PKHD1L1: variants seen among roughly 807,000 people sequenced by gnomAD.
PKHD1L1 encodes PKHD1 like 1.
PKHD1L1 carries 434 observed loss-of-function variants against 462.9 expected under a neutral mutation model. The ratio of observed to expected loss-of-function variants is 0.94; its 90% CI spans 0.87 to 1.02. The LOEUF is 1.02. PKHD1L1 is among the 50% of genes least tolerant of loss of function. The probability of loss-of-function intolerance (pLI) is 0.00; values close to 1 mark genes in which losing one functional copy is unlikely to be tolerated. For missense variants in PKHD1L1, 5,202 were observed against 5,096.1 expected (o/e 1.02, Z -0.63); for synonymous variants, 1,781 against 1,750.0 (o/e 1.02, Z -0.44).
chr8:109,404,938 G>A, intron 15 of PKHD1L1, 57 bp from the exon 16 acceptor site: 2 of 1,232,580 alleles, frequency 1.6e-6, no homozygotes, highest in East Asian at 5.3e-5. Context: ...GAATTATGAT[G>A]CTTTTAAGAT....
chr8:109,487,477 A>G (rs1586608550), intron 59 of PKHD1L1, among the ~76,000 whole-genome samples: 1 of 112,796 alleles, frequency 8.9e-6, no homozygotes, highest in South Asian at 2.9e-4. Flanking sequence ...CCTTCCATCC[A>G]TCCTCTTGTT....
At chr8:109,439,606 G>T (rs1334290100) in intron 32 of PKHD1L1, among the ~76,000 whole-genome samples, 1 of 152,118 alleles carries the variant, frequency 6.6e-6, no homozygotes, top group East Asian at 1.9e-4. Flanking sequence ...TCTCTGAAAA[G>T]CTGACAATTA....
Position 109,362,593 on chromosome 8 carries a change from T to C in PKHD1L1, c.13T>C (p.Trp5Arg). Reference sequence around the variant, plus strand: ...AACTGGCTTTTCAATGGGACACCTGTGGCTCCTGGGTATTTGGGGCCTCTG... The same window carrying C: ...AACTGGCTTTTCAATGGGACACCTGCGGCTCCTGGGTATTTGGGGCCTCTG... MGHL[W>R]LLGIWGLCGL... is the part of the protein sequence containing the mutation. The change falls in exon 1 of 78, where the codon TGG becomes CGG. Residue 5 changes from tryptophan to arginine, a missense_variant. Trp to Arg is a moderately radical substitution (Grantham distance 101). Transcript: ENST00000378402. 2 of 1,609,278 alleles carry C rather than the reference T, an allele frequency of 1.2e-6. No homozygotes were observed. Among genetic ancestry groups the C allele is most frequent in the Non-Finnish European group, 1.7e-6 (2 of 1,177,938 alleles).
intron 47 of PKHD1L1, 32 bp from the exon 48 acceptor site, chr8:109,461,740 T>TTG: frequency 1.3e-6 from 2 of 1,588,580 alleles, no homozygotes; most frequent in Non-Finnish European, 1.7e-6. Context: ...TCCGACAATT[T>TTG]TTTTAATGAT....
In PKHD1L1 at chr8:109,511,856, A is replaced by G. The variant is rs1465176300; in HGVS notation, c.11553+922A>G. ...TTTCTCCACAACCTCTCCAGCACCT[A>G]CTGTTTCCTGACTTTTTAATGATTG... On this transcript the variant is annotated intron_variant, in intron 71 of 77. Coordinates refer to ENST00000378402, the MANE Select transcript of PKHD1L1 (RefSeq NM_177531.6). 6.3e-3 allele frequency among the ~76,000 whole-genome samples: 954 copies of G among 151,486 alleles called. 9 individuals are homozygous for G. The highest frequency in any genetic ancestry group is 9.5e-3 in the Non-Finnish European group (643 of 67,602).
chr8:109,475,099 G>A lies in PKHD1L1; in HGVS notation c.8606-19G>A. ...AGGTAGAGATTACTATTATTTTCTT[G>A]TTCTATGTTCTCCTATAGGCACAAG... On this transcript the variant is annotated intron_variant, in intron 50 of 77. Transcript: ENST00000378402. The A allele has an allele frequency of 6.3e-7, 1 of 1,576,870 alleles. No homozygotes were observed. Among genetic ancestry groups the A allele is most frequent in the Non-Finnish European group, 8.6e-7 (1 of 1,164,714 alleles).
chr8:109,497,474 C>A (rs966452050), intron 65 of PKHD1L1, among the ~76,000 whole-genome samples: 1 of 150,054 alleles, frequency 6.7e-6, no homozygotes, highest in African/African-American at 2.5e-5. Context: ...GCTCCGTAGC[C>A]CAGGCTGGAG....
intron 8 of PKHD1L1, 106 bp from the exon 9 acceptor site, chr8:109,390,346 T>C: frequency 1.8e-6 from 1 of 566,034 alleles, no homozygotes; most frequent in Non-Finnish European, 2.8e-6. Context: ...AAATACAATT[T>C]TGATTTTGTA....
chr8:109,409,063 G>T lies in PKHD1L1; in HGVS notation c.1972-802G>T, dbSNP rs569850121. Among the ~76,000 whole-genome samples the T allele has an allele frequency of 1.4e-3, 213 of 152,274 alleles. 1 individual carries two copies. Among genetic ancestry groups the T allele is most frequent in the African/African-American group, 4.8e-3 (199 of 41,566 alleles). On this transcript the variant is annotated intron_variant, in intron 18 of 77. Transcript: ENST00000378402. ...GGACAATGAATTTAAGTTAAAATCTGTTTGCAGATTAAAGAGTATATATTG... is the reference window on the plus strand; with the variant it reads ...GGACAATGAATTTAAGTTAAAATCTTTTTGCAGATTAAAGAGTATATATTG...
Position 109,491,232 on chromosome 8 carries a change from T to C in PKHD1L1, c.10114+131T>C, listed in dbSNP as rs985772940. On this transcript the variant is annotated intron_variant, in intron 61 of 77. Coordinates refer to ENST00000378402, the MANE Select transcript of PKHD1L1 (RefSeq NM_177531.6). ...TGGTCTATATTTCTGCTGTCTAATA[T>C]AGTAATTACTAAGTCATATGTGTCT... 1.6e-5 allele frequency: 15 copies of C among 923,328 alleles called. No individual in the cohort carries two copies. In the Admixed American group the frequency reaches 4.1e-4, roughly 25 times the overall value. 57.2% of individuals were successfully genotyped at this position (923,328 alleles called of 1,614,324 possible).
At chr8:109,372,867 G>T (rs1030474159) in intron 2 of PKHD1L1, among the ~76,000 whole-genome samples, 23 of 152,132 alleles carry the variant, frequency 1.5e-4, no homozygotes, top group Non-Finnish European at 2.8e-4. Flanking sequence ...ACTTGATCAT[G>T]GTGGATAAGC....
Position 109,376,904 on chromosome 8 carries a change from G to A in PKHD1L1, c.164-4466G>A, listed in dbSNP as rs1001609589. Among the ~76,000 whole-genome samples, 4 of 152,170 alleles carry A rather than the reference G, an allele frequency of 2.6e-5. No individual in the cohort carries two copies. The South Asian group carries it at 6.2e-4, about 24-fold the overall frequency. On this transcript the variant is annotated intron_variant, in intron 2 of 77. Transcript: ENST00000378402. ...CCAGGCCAGAATGTCAAGGTCCAAA[G>A]CCTGGGCCTTTTCAATTAAACATCA...
At chr8:109,479,345 C>A (rs1190379021) in intron 53 of PKHD1L1, among the ~76,000 whole-genome samples, 1 of 152,062 alleles carries the variant, frequency 6.6e-6, no homozygotes, top group African/African-American at 2.4e-5. Flanking sequence ...CCCCTTTCTT[C>A]ACAGAATCTA....
At chr8:109,407,857 T>C (rs1214901515) in intron 17 of PKHD1L1, among the ~76,000 whole-genome samples, 192 bp from the exon 18 acceptor site, 2 of 152,170 alleles carry the variant, frequency 1.3e-5, no homozygotes, top group East Asian at 3.9e-4. Flanking sequence ...CTATTTATGC[T>C]ATGGATAAAT....
intron 9 of PKHD1L1, among the ~76,000 whole-genome samples, chr8:109,391,309 A>G (rs376100863): frequency 1.3e-5 from 2 of 152,316 alleles, no homozygotes; most frequent in African/African-American, 4.8e-5. Flanking sequence ...AACCCATGCC[A>G]TCTAACTCTA....
In PKHD1L1 at chr8:109,392,453, A is replaced by T. The variant is rs532502733; in HGVS notation, c.740+1959A>T. ...CATATAATATAAGCAAAAATACTGC[A>T]TTAAATTGTTGATTCTGTGGACTCA... On this transcript the variant is annotated intron_variant, in intron 9 of 77. Transcript: ENST00000378402. Among the ~76,000 whole-genome samples, 37 of 152,306 alleles carry T rather than the reference A, an allele frequency of 2.4e-4. No homozygotes were observed. In the South Asian group the frequency reaches 7.2e-3, roughly 30 times the overall value.
intron 9 of PKHD1L1, among the ~76,000 whole-genome samples, chr8:109,391,094 T>C (rs1812690383): frequency 6.6e-6 from 1 of 152,160 alleles, no homozygotes; most frequent in South Asian, 2.1e-4. Context: ...CCCCATATTA[T>C]AGATAATAAT....
chr8:109,474,431 T>C (rs1193982332), intron 50 of PKHD1L1, among the ~76,000 whole-genome samples: 1 of 152,180 alleles, frequency 6.6e-6, no homozygotes, highest in Non-Finnish European at 1.5e-5. Context: ...CTAAATTATA[T>C]AGTTTTTCCT....
At chr8:109,363,636 T>A (rs1167748217) in intron 1 of PKHD1L1, among the ~76,000 whole-genome samples, 2 of 152,158 alleles carry the variant, frequency 1.3e-5, no homozygotes, top group African/African-American at 2.4e-5. Context: ...AACACCTCTA[T>A]CCACTGTGTA....
Sources: gnomAD v4.1 joint callset for allele counts (sites outside exome capture counted in the v4.1 genomes callset) on GRCh38, gnomAD v4.1.1 for gene constraint, MANE v1.5 for transcripts, NCBI Gene and HGNC (gene_info 2026-07-23, HGNC 2026-07-21) for gene names.